TUSC3: variants seen among roughly 807,000 people sequenced by gnomAD.
The protein encoded by TUSC3 is tumor suppressor candidate 3.
In TUSC3, 45 loss-of-function variants were observed where a neutral mutation model predicts 44.8. That is an observed-to-expected ratio of 1.00 (90% CI 0.79 to 1.29). The LOEUF (loss-of-function observed/expected upper bound fraction) is 1.29. TUSC3 is among the 50% of genes most tolerant of loss of function. The pLI is 0.00. For missense variants in TUSC3, 519 were observed against 437.9 expected, an observed-to-expected ratio of 1.19 and a Z score of -1.65; for synonymous variants, 212 against 152.9, an observed-to-expected ratio of 1.39 and a Z score of -2.85.
Position 15,623,091 on chromosome 8 carries a change from TGAA to T in TUSC3, c.151_153del (p.Glu51del). 1 of 1,613,758 alleles carries T rather than the reference TGAA, an allele frequency of 6.2e-7. No homozygotes were observed. Among genetic ancestry groups the T allele is most frequent in the South Asian group, 1.1e-5 (1 of 91,034 alleles). On this transcript the variant is annotated inframe_deletion, in exon 2 of 11. Transcript: ENST00000503731. ...GTGTTTAATTGCAGAATCTTTTAGC[TGAA>T]AAAGTAGAGCAGCTGATGGAATGGA... is the stretch of plus-strand genomic sequence containing the variant.
chr8:15,624,745 A>G (rs1805414132), intron 2 of TUSC3, among the ~76,000 whole-genome samples: 1 of 152,104 alleles, frequency 6.6e-6, no homozygotes. Context: ...CCAGTTTGTG[A>G]CTTGTATTTT....
chr8:15,831,240 T>A, the TUSC3 span, among the ~76,000 whole-genome samples: 3 of 152,114 alleles, frequency 2.0e-5, no homozygotes, highest in Admixed American at 6.6e-5. Context: ...TAAACCCACC[T>A]TATACTACAA....
the TUSC3 span, among the ~76,000 whole-genome samples, chr8:15,850,978 A>G: frequency 6.6e-6 from 1 of 152,284 alleles, no homozygotes; most frequent in Non-Finnish European, 1.5e-5. Context: ...TGGTGAGCAT[A>G]TTCTTCACTA....
At chr8:15,787,488 A>G in the TUSC3 span, among the ~76,000 whole-genome samples, 1 of 152,336 alleles carries the variant, frequency 6.6e-6, no homozygotes, top group East Asian at 1.9e-4. Context: ...CTATTAAAAA[A>G]TTTGTCAGGA....
intron 6 of TUSC3, among the ~76,000 whole-genome samples, chr8:15,675,617 G>C (rs561070097): frequency 4.3e-4 from 65 of 152,074 alleles, no homozygotes; most frequent in Middle Eastern, 6.8e-3. Context: ...CCCTCTAATA[G>C]GCTGCAGTGT....
chr8:15,838,546 T>C, the TUSC3 span, among the ~76,000 whole-genome samples: 2 of 152,180 alleles, frequency 1.3e-5, no homozygotes, highest in South Asian at 2.1e-4. Flanking sequence ...GACCTTTCAA[T>C]GGAAACCTTT....
At chr8:15,618,132 G>A (rs774310075) in intron 1 of TUSC3, among the ~76,000 whole-genome samples, 4 of 152,312 alleles carry the variant, frequency 2.6e-5, no homozygotes, top group Middle Eastern at 3.4e-3. Context: ...AGGCCTGGAG[G>A]TTGCTCTGGG....
chr8:15,647,258 T>G (rs1439205011), intron 2 of TUSC3, among the ~76,000 whole-genome samples: 1 of 152,160 alleles, frequency 6.6e-6, no homozygotes. Context: ...TGATTCCTTT[T>G]CTACAGTGCC....
intron 1 of TUSC3, among the ~76,000 whole-genome samples, chr8:15,435,661 C>G (rs543827546): frequency 1.8e-4 from 27 of 152,224 alleles, no homozygotes; most frequent in African/African-American, 5.1e-4. Flanking sequence ...TTGACTCCCT[C>G]TTTTTAGCAG....
At chr8:15,566,177 C>T (rs1802664231) in intron 1 of TUSC3, among the ~76,000 whole-genome samples, 1 of 152,108 alleles carries the variant, frequency 6.6e-6, no homozygotes, top group African/African-American at 2.4e-5. Context: ...TCCATATTTA[C>T]AGCAGTGATT....
At chr8:15,781,121 C>A in the TUSC3 span, among the ~76,000 whole-genome samples, 1 of 152,134 alleles carries the variant, frequency 6.6e-6, no homozygotes, top group African/African-American at 2.4e-5. Flanking sequence ...GTTGCCCCAG[C>A]GATGTAGATC....
the TUSC3 span, among the ~76,000 whole-genome samples, chr8:15,786,852 G>T: frequency 4.4e-3 from 646 of 146,662 alleles, 4 homozygotes; most frequent in African/African-American, 0.016. Context: ...GCTGAGGCAG[G>T]AAAATGGCGT....
intron 6 of TUSC3, among the ~76,000 whole-genome samples, chr8:15,720,862 A>G (rs927730546): frequency 2.0e-5 from 3 of 152,148 alleles, no homozygotes; most frequent in Non-Finnish European, 2.9e-5. Flanking sequence ...TCGAAGGGCA[A>G]TATAACAAAT....
chr8:15,826,809 T>C, the TUSC3 span, among the ~76,000 whole-genome samples: 1 of 152,212 alleles, frequency 6.6e-6, no homozygotes, highest in African/African-American at 2.4e-5. Context: ...TTTGTTGATA[T>C]GGAGAAGCCG....
intron 1 of TUSC3, among the ~76,000 whole-genome samples, chr8:15,575,596 G>A (rs982785034): frequency 3.9e-5 from 6 of 151,972 alleles, no homozygotes; most frequent in African/African-American, 9.7e-5. Flanking sequence ...GTGAAAACCC[G>A]TCTCTATTTA....
chr8:15,626,923 C>G (rs1292626399), intron 2 of TUSC3, among the ~76,000 whole-genome samples: 1 of 152,186 alleles, frequency 6.6e-6, no homozygotes, highest in Non-Finnish European at 1.5e-5. Flanking sequence ...CAGACAGGCT[C>G]CAGGGTGGAA....
the TUSC3 span, among the ~76,000 whole-genome samples, chr8:15,775,782 C>T: frequency 2.3e-4 from 32 of 136,298 alleles, no homozygotes; most frequent in African/African-American, 8.4e-4. Context: ...ATATATCTTC[C>T]GTAATAAAAA....
chr8:15,649,940 G>A (rs1173077340), intron 2 of TUSC3, among the ~76,000 whole-genome samples: 2 of 152,098 alleles, frequency 1.3e-5, no homozygotes, highest in Admixed American at 1.3e-4. Context: ...GCAATAACTT[G>A]TTGCTTCTTA....
At chr8:15,603,753 T>C (rs1234902098) in intron 1 of TUSC3, among the ~76,000 whole-genome samples, 4 of 150,952 alleles carry the variant, frequency 2.6e-5, no homozygotes, top group Non-Finnish European at 4.4e-5. Flanking sequence ...CTGCGATTCC[T>C]ATGGTTTACC....
Sources: gnomAD v4.1 joint callset for allele counts (sites outside exome capture counted in the v4.1 genomes callset) on GRCh38, gnomAD v4.1.1 for gene constraint, MANE v1.5 for transcripts, NCBI Gene and HGNC (gene_info 2026-07-23, HGNC 2026-07-21) for gene names.